The following RNF128 variants were observed in gnomAD, a reference collection of about 807,000 sequenced individuals.
The protein encoded by RNF128 is ring finger protein 128.
In RNF128, 13 loss-of-function variants were observed where a neutral mutation model predicts 26.2. The ratio of observed to expected loss-of-function variants is 0.50; its 90% confidence interval spans 0.32 to 0.79. RNF128 has a LOEUF of 0.79. Ranked by LOEUF, RNF128 falls within the 30% of genes least tolerant of loss-of-function variation. The probability of loss-of-function intolerance (pLI) is 0.03; values close to 1 mark genes in which losing one functional copy is unlikely to be tolerated. For missense variants in RNF128, 315 were observed against 349.7 expected (o/e 0.90, Z 0.79); for synonymous variants, 149 against 142.5 (o/e 1.05, Z -0.32).
chrX:106,786,545 A>G (rs764685541), intron 3 of RNF128, among the ~76,000 whole-genome samples: 3 of 111,722 alleles, frequency 2.7e-5, no homozygotes, highest in South Asian at 7.4e-4. Flanking sequence ...GACTTGGGTG[A>G]CAAATATTTC....
chrX:106,771,657 C>T (rs1930374107), intron 1 of RNF128, among the ~76,000 whole-genome samples: 1 of 112,808 alleles, frequency 8.9e-6, no homozygotes, highest in Admixed American at 9.3e-5. Context: ...TCTGTCACGG[C>T]TTCCCTTTGC....
At chrX:106,743,714 CCTT>C (rs1382998689) in intron 1 of RNF128, among the ~76,000 whole-genome samples, 1 of 111,836 alleles carries the variant, frequency 8.9e-6, no homozygotes, top group Non-Finnish European at 1.9e-5. Flanking sequence ...ATATAGTTTC[CCTT>C]CTTGTGCTTA....
chrX:106,744,024 G>A (rs1435052759), intron 1 of RNF128, among the ~76,000 whole-genome samples: 1 of 107,266 alleles, frequency 9.3e-6, no homozygotes, highest in Non-Finnish European at 1.9e-5. Flanking sequence ...AACATCGCAT[G>A]TTCTCACTCA....
chrX:106,788,425 ATTATATATAAT>A (rs1930719472), intron 4 of RNF128, among the ~76,000 whole-genome samples: 1 of 48,447 alleles, frequency 2.1e-5, no homozygotes, highest in Non-Finnish European at 3.3e-5. Flanking sequence ...TATAATATAT[ATTATATATAAT>A]ATTATTATAA....
At chrX:106,792,183 T>C (rs1930838370) in intron 6 of RNF128, among the ~76,000 whole-genome samples, 1 of 110,969 alleles carries the variant, frequency 9.0e-6, no homozygotes, top group Non-Finnish European at 1.9e-5. Flanking sequence ...CTTAATAATC[T>C]GTGGATTATT....
intron 1 of RNF128, among the ~76,000 whole-genome samples, chrX:106,702,933 T>C (rs1395938216): frequency 1.8e-5 from 2 of 111,936 alleles, no homozygotes; most frequent in East Asian, 5.6e-4. Flanking sequence ...TATAGTAATG[T>C]TAATAGTCAT....
chrX:106,719,581 G>C (rs1304257562), intron 1 of RNF128, among the ~76,000 whole-genome samples: 1 of 111,352 alleles, frequency 9.0e-6, no homozygotes, highest in Non-Finnish European at 1.9e-5. Context: ...ATCCATGCCT[G>C]ACAGGTCCAC....
chrX:106,784,975 T>C (rs1930629404), intron 2 of RNF128, 90 bp from the exon 3 acceptor site: 6 of 624,943 alleles, frequency 9.6e-6, no homozygotes, highest in Non-Finnish European at 9.7e-6. Context: ...GACTTTTACC[T>C]GATAAATATT....
intron 1 of RNF128, among the ~76,000 whole-genome samples, chrX:106,702,643 C>T (rs943952674): frequency 2.7e-5 from 3 of 112,165 alleles, no homozygotes; most frequent in African/African-American, 9.7e-5. Context: ...TCTGTCTAAA[C>T]TTGCAAGTTT....
At chrX:106,706,431 A>G (rs753428147) in intron 1 of RNF128, among the ~76,000 whole-genome samples, 7 of 112,017 alleles carry the variant, frequency 6.2e-5, no homozygotes, top group Non-Finnish European at 1.1e-4. Flanking sequence ...TCACTCAACA[A>G]ATGTTTACTG....
rs1930108845 is a variant in RNF128, at chrX:106,760,880, A to C, written c.485-12033A>C. 8.0e-5 allele frequency among the ~76,000 whole-genome samples: 9 copies of C among 112,054 alleles called. No homozygotes were observed. In the Admixed American group the frequency reaches 8.5e-4, roughly 11 times the overall value. On this transcript the variant is annotated intron_variant, in intron 1 of 6. Coordinates refer to ENST00000255499, the MANE Select transcript of RNF128 (RefSeq NM_194463.2). ...CTGGAGGAAATTAAGTGCCAAAAGC[A>C]ATTGCAACAAAAGCAAAAACAAAAA... is the stretch of plus-strand genomic sequence containing the variant.
At chrX:106,782,258 ACAT>A (rs902559889) in intron 2 of RNF128, among the ~76,000 whole-genome samples, 1 of 112,556 alleles carries the variant, frequency 8.9e-6, no homozygotes, top group African/African-American at 3.2e-5. Flanking sequence ...ATTGTGAAAG[ACAT>A]CATCAACTAC....
chrX:106,712,592 G>GT (rs1299684653), intron 1 of RNF128, among the ~76,000 whole-genome samples: 1 of 110,859 alleles, frequency 9.0e-6, no homozygotes, highest in African/African-American at 3.3e-5. Flanking sequence ...CATTCTCCAC[G>GT]TTTTTTTCTG....
At chrX:106,721,785 G>A (rs1375439526), upstream of RNF128, among the ~76,000 whole-genome samples, 1 of 112,057 alleles carries the variant, frequency 8.9e-6, no homozygotes, top group Non-Finnish European at 1.9e-5. Context: ...ATACTTAAGA[G>A]TCAGAACGGC....
At position 106,773,074 on chromosome X, in the gene RNF128, T is replaced by C; in HGVS notation, c.646T>C (p.Phe216Leu). The change falls in exon 2 of 7, where the codon TTT (phenylalanine) becomes CTT (leucine). Residue 216 changes from phenylalanine to leucine, a missense_variant. By Grantham distance (22) the Phe-to-Leu change is conservative (BLOSUM62 0). Transcript: ENST00000255499. ...AATTTTTTTCGTTTCTGTGTCCTTT[T>C]TTATTATTACGGCGGCAACTGTGGG... Reference protein sequence around the residue: ...YSIFFVSVSFFIITAATVGYF... With the variant: ...YSIFFVSVSFLIITAATVGYF... 1 of 1,211,319 alleles carries C rather than the reference T, an allele frequency of 8.3e-7. No individual in the cohort carries two copies. Among genetic ancestry groups the C allele is most frequent in the East Asian group, 3.0e-5 (1 of 33,816 alleles).
chrX:106,754,576 T>C (rs1242637458), intron 1 of RNF128, among the ~76,000 whole-genome samples: 1 of 108,610 alleles, frequency 9.2e-6, no homozygotes, highest in Non-Finnish European at 1.9e-5. Context: ...TTTTTTAAAT[T>C]GAAATATCAA....
At position 106,796,657 on chromosome X, in the gene RNF128, G is replaced by A. The variant is rs745422571; in HGVS notation, c.*944G>A. ...CATTAGATAAACTAAAATTCTGTCC[G>A]TGTAACTATAAATTTTGTGAATGCA... On this transcript the variant is annotated 3_prime_UTR_variant, in exon 7 of 7. Coordinates refer to ENST00000255499, the MANE Select transcript of RNF128 (RefSeq NM_194463.2). The A allele has an allele frequency of 1.2e-4, 13 of 111,828 alleles. No homozygotes were observed. Among genetic ancestry groups the A allele is most frequent in the African/African-American group, 3.9e-4 (12 of 30,780 alleles). 9.2% of individuals were successfully genotyped at this position (111,828 alleles called of 1,213,427 possible).
At chrX:106,711,516 C>T (rs1212490265) in intron 1 of RNF128, among the ~76,000 whole-genome samples, 2 of 111,458 alleles carry the variant, frequency 1.8e-5, no homozygotes, top group Non-Finnish European at 3.8e-5. Flanking sequence ...TTATTTATTG[C>T]ATATCATAGT....
intron 1 of RNF128, among the ~76,000 whole-genome samples, chrX:106,767,534 A>G (rs1312849115): frequency 2.7e-5 from 3 of 111,451 alleles, no homozygotes; most frequent in African/African-American, 9.8e-5. Flanking sequence ...TTGGTGTATA[A>G]GAATGCTTGT....
Sources: allele counts gnomAD v4.1 joint callset (sites outside exome capture counted in the v4.1 genomes callset), GRCh38; gene constraint gnomAD v4.1.1; transcripts MANE v1.5; gene names NCBI Gene and HGNC (gene_info 2026-07-23, HGNC 2026-07-21).